ACTA2: variants seen among roughly 807,000 people sequenced by gnomAD.
ACTA2 encodes actin, aortic smooth muscle.
In ACTA2, 12 loss-of-function variants were observed where a neutral mutation model predicts 39.5. The observed-to-expected ratio is 0.30, with a 90% confidence interval of 0.19 to 0.49. ACTA2 has a LOEUF of 0.49. Ranked by LOEUF, ACTA2 falls within the 20% of genes least tolerant of loss-of-function variation. The pLI is 0.99. For missense variants in ACTA2, 236 were observed against 498.8 expected (o/e 0.47, Z 5.02); for synonymous variants, 158 against 180.6 (o/e 0.88, Z 1.00).
intron 3 of ACTA2, 154 bp downstream of exon 3, chr10:88,947,104 T>G: frequency 9.0e-7 from 1 of 1,115,420 alleles, no homozygotes; most frequent in Non-Finnish European, 1.3e-6. Flanking sequence ...GATTTTTTTT[T>G]CAATGGGTAA....
intron 1 of ACTA2, among the ~76,000 whole-genome samples, chr10:88,981,262 T>C (rs964954793): frequency 1.3e-5 from 2 of 152,204 alleles, no homozygotes; most frequent in African/African-American, 4.8e-5. Flanking sequence ...AGGATAATAT[T>C]AGATGTTAAG....
At chr10:88,958,062 T>G (rs1846166672) in intron 1 of ACTA2, among the ~76,000 whole-genome samples, 1 of 152,126 alleles carries the variant, frequency 6.6e-6, no homozygotes, top group South Asian at 2.1e-4. Context: ...CCCTACCCAC[T>G]TCTACCCAAC....
chr10:88,972,900 A>G (rs545344415), intron 1 of ACTA2, among the ~76,000 whole-genome samples: 44 of 152,286 alleles, frequency 2.9e-4, no homozygotes, highest in African/African-American at 1.0e-3. Context: ...GTAATTTTGT[A>G]GGATACTAGG....
At position 88,939,626 on chromosome 10, in the gene ACTA2, G is replaced by C. The variant is rs757461793; in HGVS notation, c.689C>G (p.Ala230Gly). 1.9e-6 allele frequency: 3 copies of C among 1,613,942 alleles called. No homozygotes were observed. The highest frequency in any genetic ancestry group is 2.7e-5 in the African/African-American group (2 of 74,916). Residue 230 changes from alanine to glycine, a missense_variant, in exon 7 of 9, where the codon GCC (alanine) becomes GGC (glycine). Coordinates refer to ENST00000224784, the MANE Select transcript of ACTA2 (RefSeq NM_001613.4). Reference sequence around the variant, plus strand: ...AAGGGAGGATGAGGATGCGGCAGTGGCCATCTCATTTTCAAAGTCCAGAGC... The same window carrying C: ...AAGGGAGGATGAGGATGCGGCAGTGCCCATCTCATTTTCAAAGTCCAGAGC... Reference protein sequence around the residue: ...YVALDFENEMATAASSSSLEK... With the variant: ...YVALDFENEMGTAASSSSLEK...
At chr10:88,945,253 A>G (rs1190853952) in intron 3 of ACTA2, among the ~76,000 whole-genome samples, 2 of 152,206 alleles carry the variant, frequency 1.3e-5, no homozygotes, top group Non-Finnish European at 2.9e-5. Context: ...TTTCCTATTG[A>G]TATTGATATC....
At chr10:88,942,885 A>G (rs534281504) in intron 4 of ACTA2, among the ~76,000 whole-genome samples, 75 of 152,302 alleles carry the variant, frequency 4.9e-4, no homozygotes, top group Non-Finnish European at 8.5e-4. Context: ...AAGCACCAGG[A>G]GCTCTTCTGA....
At chr10:88,980,869 C>A (rs1846694330) in intron 1 of ACTA2, among the ~76,000 whole-genome samples, 1 of 152,156 alleles carries the variant, frequency 6.6e-6, no homozygotes, top group African/African-American at 2.4e-5. Flanking sequence ...TTCCCAGACT[C>A]CAAATGCCAA....
At chr10:88,981,201 T>C (rs890080890) in intron 1 of ACTA2, among the ~76,000 whole-genome samples, 2 of 152,214 alleles carry the variant, frequency 1.3e-5, no homozygotes, top group African/African-American at 4.8e-5. Context: ...ATACTCGCTG[T>C]GTGCAAATTA....
chr10:88,944,018 C>T, intron 3 of ACTA2, 111 bp from the exon 4 acceptor site: 2 of 880,462 alleles, frequency 2.3e-6, no homozygotes, highest in Non-Finnish European at 1.8e-6. Flanking sequence ...GGAAATGCTA[C>T]AAGTACTCAT....
At chr10:88,968,710 C>G (rs1484901184) in intron 1 of ACTA2, among the ~76,000 whole-genome samples, 1 of 152,160 alleles carries the variant, frequency 6.6e-6, no homozygotes, top group African/African-American at 2.4e-5. Flanking sequence ...CTCCTTAATT[C>G]TCACTGGCTG....
intron 5 of ACTA2, among the ~76,000 whole-genome samples, 178 bp downstream of exon 5, chr10:88,941,607 G>T (rs891398947): frequency 6.6e-6 from 1 of 152,172 alleles, no homozygotes; most frequent in Admixed American, 6.5e-5. Flanking sequence ...AAAAAGTTCT[G>T]CTAGAAATAT....
intron 1 of ACTA2, among the ~76,000 whole-genome samples, chr10:88,950,226 G>A (rs550108069): frequency 1.3e-5 from 2 of 152,148 alleles, no homozygotes; most frequent in Non-Finnish European, 2.9e-5. Context: ...CAATTAGGTC[G>A]AAATGTTCCG....
At chr10:88,945,197 C>G (rs1845923469) in intron 3 of ACTA2, among the ~76,000 whole-genome samples, 1 of 152,224 alleles carries the variant, frequency 6.6e-6, no homozygotes, top group Admixed American at 6.5e-5. Context: ...TAGGACGATA[C>G]ATTCTAAGAT....
intron 1 of ACTA2, among the ~76,000 whole-genome samples, chr10:88,949,987 T>C (rs778569951): frequency 3.0e-4 from 46 of 152,184 alleles, no homozygotes; most frequent in Non-Finnish European, 4.6e-4. Context: ...CTTGGATCCT[T>C]TCATAAAATT....
chr10:88,960,240 T>G (rs1846204479), intron 1 of ACTA2, among the ~76,000 whole-genome samples: 2 of 152,188 alleles, frequency 1.3e-5, no homozygotes, highest in South Asian at 4.1e-4. Flanking sequence ...CAATGATTCT[T>G]ATTCATAACA....
chr10:88,969,521 A>G (rs1846385072), intron 1 of ACTA2, among the ~76,000 whole-genome samples: 1 of 152,016 alleles, frequency 6.6e-6, no homozygotes, highest in Non-Finnish European at 1.5e-5. Context: ...TGTCATGATC[A>G]TTTTTCAAAC....
At chr10:88,977,149 C>T (rs985046945) in intron 1 of ACTA2, among the ~76,000 whole-genome samples, 8 of 151,972 alleles carry the variant, frequency 5.3e-5, no homozygotes, top group Non-Finnish European at 8.8e-5. Context: ...TTTTGCTGTG[C>T]AGAAGCTCTG....
chr10:88,945,054 G>A (rs1347926290), intron 3 of ACTA2, among the ~76,000 whole-genome samples: 1 of 152,212 alleles, frequency 6.6e-6, no homozygotes, highest in Non-Finnish European at 1.5e-5. Flanking sequence ...AGTGAAAGCA[G>A]CAGACTGCTC....
chr10:88,963,443 G>A (rs1391122004), intron 1 of ACTA2, among the ~76,000 whole-genome samples: 1 of 120,044 alleles, frequency 8.3e-6, no homozygotes, highest in Non-Finnish European at 1.9e-5. Flanking sequence ...TACTAGGAAA[G>A]GGATGACTAG....
Sources: allele counts gnomAD v4.1 joint callset (sites outside exome capture counted in the v4.1 genomes callset), GRCh38; gene constraint gnomAD v4.1.1; transcripts MANE v1.5; gene names NCBI Gene and HGNC (gene_info 2026-07-23, HGNC 2026-07-21).